FSTL5: variants seen among roughly 807,000 people sequenced by gnomAD.
FSTL5 encodes the protein follistatin-related protein 5.
A neutral mutation model predicts 89.1 loss-of-function variants in FSTL5; 62 were observed. The observed-to-expected ratio is 0.70, with a 90% confidence interval of 0.57 to 0.86. FSTL5 has a LOEUF of 0.86. FSTL5 is among the 40% of genes least tolerant of loss of function. The probability of loss-of-function intolerance (pLI) is 0.00; values close to 1 mark genes in which losing one functional copy is unlikely to be tolerated. For synonymous variants in FSTL5, 383 were observed against 346.2 expected, an observed-to-expected ratio of 1.11 and a Z score of -1.18; for missense variants, 1,057 against 1,001.6, an observed-to-expected ratio of 1.06 and a Z score of -0.75.
At chr4:162,158,105 T>A (rs993656119) in intron 1 of FSTL5, among the ~76,000 whole-genome samples, 3 of 152,090 alleles carry the variant, frequency 2.0e-5, no homozygotes. Flanking sequence ...CTAAGTAATC[T>A]GAAGGATTAC....
At position 161,532,211 on chromosome 4, in the gene FSTL5, AAAG is replaced by A. The variant is rs1253627469; in HGVS notation, c.1312+5952_1312+5954del. Among the ~76,000 whole-genome samples the A allele has an allele frequency of 6.1e-3, 926 of 152,200 alleles. 9 individuals are homozygous for A. Among genetic ancestry groups the A allele is most frequent in the African/African-American group, 0.021 (880 of 41,512 alleles). On this transcript the variant is annotated intron_variant, in intron 10 of 15. Coordinates refer to ENST00000306100, the MANE Select transcript of FSTL5 (RefSeq NM_020116.5). ...CAAGACTCCATCTCCAAAAAAAAAA[AAAG>A]AAATTATTTTTAGAAAACAAATGTG...
chr4:161,687,841 C>T (rs1240732158), intron 6 of FSTL5, among the ~76,000 whole-genome samples: 5 of 152,182 alleles, frequency 3.3e-5, no homozygotes, highest in African/African-American at 1.2e-4. Flanking sequence ...AAACCTATTT[C>T]ACAATGCAAC....
chr4:161,664,746 A>G (rs1333440924), intron 6 of FSTL5: 1 of 154,210 alleles, frequency 6.5e-6, no homozygotes, highest in East Asian at 1.9e-4. Flanking sequence ...TTACTGTATT[A>G]GTTAGTTTTC....
intron 6 of FSTL5, among the ~76,000 whole-genome samples, chr4:161,753,294 C>T (rs1740461525): frequency 6.6e-6 from 1 of 152,146 alleles, no homozygotes; most frequent in Non-Finnish European, 1.5e-5. Context: ...AAATTTGCAT[C>T]TCTTCCCGTG....
chr4:162,015,735 G>T (rs78470069), intron 3 of FSTL5, among the ~76,000 whole-genome samples: 4,881 of 152,172 alleles, frequency 0.032, 117 homozygotes, highest in Middle Eastern at 0.099. Context: ...TGCCTCTATG[G>T]CTCTTCAACA....
chr4:161,709,712 C>T (rs976732499), intron 6 of FSTL5, among the ~76,000 whole-genome samples: 2 of 152,056 alleles, frequency 1.3e-5, no homozygotes, highest in East Asian at 1.9e-4. Context: ...GCGAGGATCA[C>T]TTGAGCCCAG....
chr4:161,526,549 A>AGGTTTTCT (rs1731225982), intron 10 of FSTL5, among the ~76,000 whole-genome samples: 1 of 152,174 alleles, frequency 6.6e-6, no homozygotes, highest in Non-Finnish European at 1.5e-5. Flanking sequence ...GGTAATGCCT[A>AGGTTTTCT]GGTTTTCTTC....
intron 2 of FSTL5, among the ~76,000 whole-genome samples, chr4:162,041,543 TCTC>T (rs1032575601): frequency 6.6e-6 from 1 of 152,118 alleles, no homozygotes; most frequent in African/African-American, 2.4e-5. Context: ...TCAACCAACT[TCTC>T]CTTCAGTTTA....
At chr4:162,015,037 C>A (rs79144485) in intron 3 of FSTL5, among the ~76,000 whole-genome samples, 9,110 of 152,198 alleles carry the variant, frequency 0.06, 363 homozygotes, top group Non-Finnish European at 0.093. Context: ...TGCAAACTTT[C>A]AGAAGCATCA....
At chr4:161,793,245 C>T (rs2126822333) in intron 4 of FSTL5, among the ~76,000 whole-genome samples, 1 of 152,306 alleles carries the variant, frequency 6.6e-6, no homozygotes, top group Non-Finnish European at 1.5e-5. Flanking sequence ...CCACTCCATG[C>T]CTGGCTCACC....
chr4:161,500,670 A>G (rs1309401840), intron 11 of FSTL5, among the ~76,000 whole-genome samples: 1 of 152,176 alleles, frequency 6.6e-6, no homozygotes, highest in Admixed American at 6.6e-5. Flanking sequence ...GAGGTCTTAC[A>G]TATTAGTTTT....
chr4:161,983,010 C>CA (rs1735868044), intron 3 of FSTL5, among the ~76,000 whole-genome samples: 1 of 151,934 alleles, frequency 6.6e-6, no homozygotes, highest in Non-Finnish European at 1.5e-5. Context: ...TTTAAATCTT[C>CA]AAAAAAATGA....
intron 3 of FSTL5, among the ~76,000 whole-genome samples, chr4:162,020,249 T>C (rs1315311292): frequency 6.6e-6 from 1 of 151,956 alleles, no homozygotes; most frequent in Non-Finnish European, 1.5e-5. Flanking sequence ...ATTTATGCTA[T>C]GGACAAAATT....
rs557250450 is a variant in FSTL5 at position 161,920,462 on chromosome 4, A to G, written c.351T>C (p.Ala117=). ...FYENHCEVHR[A]ACLKKQKITI... is the part of the protein sequence containing the mutation. ...TAATCTTTTGTTTTTTCAGGCAAGC[A>G]GCTCTGTGCACTTCACAGTGGTTTT... is the stretch of plus-strand genomic sequence containing the variant. The change falls in exon 4 of 16, where the codon GCT becomes GCC. Residue 117 remains alanine (A), a synonymous_variant. Coordinates refer to ENST00000306100, the MANE Select transcript of FSTL5 (RefSeq NM_020116.5). The G allele has an allele frequency of 4.8e-5, 77 of 1,614,030 alleles. No individual in the cohort carries two copies. In the South Asian group the frequency reaches 7.5e-4, roughly 16 times the overall value.
intron 1 of FSTL5, among the ~76,000 whole-genome samples, chr4:162,150,364 A>AT (rs1733180169): frequency 6.6e-6 from 1 of 152,128 alleles, no homozygotes; most frequent in Non-Finnish European, 1.5e-5. Flanking sequence ...AGAAACCTTG[A>AT]TGTCAGCTTG....
At chr4:161,607,436 A>T (rs1000877424) in intron 7 of FSTL5, among the ~76,000 whole-genome samples, 1 of 152,156 alleles carries the variant, frequency 6.6e-6, no homozygotes, top group Non-Finnish European at 1.5e-5. Flanking sequence ...ACTATAAAAT[A>T]CTATAAAACT....
intron 15 of FSTL5, among the ~76,000 whole-genome samples, chr4:161,446,640 T>C (rs918167539): frequency 1.4e-4 from 21 of 152,102 alleles, no homozygotes; most frequent in Admixed American, 2.0e-4. Context: ...GCTAATGCTA[T>C]ATATGATTGA....
At chr4:161,706,789 C>T (rs540050509) in intron 6 of FSTL5, among the ~76,000 whole-genome samples, 1 of 151,920 alleles carries the variant, frequency 6.6e-6, no homozygotes, top group African/African-American at 2.4e-5. Flanking sequence ...TCTGAATGAA[C>T]CAGATTGTTG....
intron 1 of FSTL5, among the ~76,000 whole-genome samples, chr4:162,119,642 CA>C (rs1346452056): frequency 2.6e-5 from 4 of 152,190 alleles, no homozygotes; most frequent in African/African-American, 9.6e-5. Flanking sequence ...GCATATCCAT[CA>C]CCTTAAACAT....
Sources: gnomAD v4.1 joint callset for allele counts (sites outside exome capture counted in the v4.1 genomes callset) on GRCh38, gnomAD v4.1.1 for gene constraint, MANE v1.5 for transcripts, NCBI Gene and HGNC (gene_info 2026-07-23, HGNC 2026-07-21) for gene names.